The following SMU1 variants were observed in gnomAD, a reference collection of about 807,000 sequenced individuals.
SMU1 encodes the protein SMU1 DNA replication regulator and spliceosomal factor, also known as WD40 repeat-containing protein SMU1.
Under a neutral mutation model 62.0 loss-of-function variants are expected in SMU1, and 2 were observed. The ratio of observed to expected loss-of-function variants is 0.03; its 90% CI spans 0.01 to 0.10. The LOEUF is 0.10. Among genes scored for constraint, SMU1 ranks in the 10% least tolerant of loss-of-function variants. The pLI, the probability that SMU1 is intolerant of heterozygous loss-of-function variation, is 1.00. For missense variants in SMU1, 227 were observed against 622.1 expected (o/e 0.36, Z 6.76); for synonymous variants, 188 against 212.4 (o/e 0.89, Z 1.00).
At chr9:33,052,403 G>A (rs940987422) in intron 10 of SMU1, among the ~76,000 whole-genome samples, 1 of 152,174 alleles carries the variant, frequency 6.6e-6, no homozygotes, top group Non-Finnish European at 1.5e-5. Flanking sequence ...CTGGGCAGCT[G>A]TAGCTATTAT....
At position 33,060,483 on chromosome 9, in the gene SMU1, A is replaced by T. The variant is rs1194560944; in HGVS notation, c.732T>A (p.Thr244=). Residue 244 remains threonine, a synonymous_variant, in exon 6 of 12, where the codon ACT becomes ACA. Coordinates refer to ENST00000397149, the MANE Select transcript of SMU1 (RefSeq NM_018225.3). ...ACTTTACCTTTCTGATTTTTCCAGT[A>T]GTAAAGTTCCATACTTCAATGAATC... is the stretch of plus-strand genomic sequence containing the variant. ...VDGFIEVWNF[T]TGKIRKDLKY... The T allele has an allele frequency of 6.3e-7, 1 of 1,599,180 alleles. No homozygotes were observed. The highest frequency in any genetic ancestry group is 1.4e-5 in the African/African-American group (1 of 73,940).
intron 4 of SMU1, among the ~76,000 whole-genome samples, chr9:33,066,607 A>G (rs1007710658): frequency 5.3e-5 from 8 of 151,784 alleles, no homozygotes; most frequent in African/African-American, 1.9e-4. Context: ...AGAGATCGAG[A>G]CCATCCTGGC....
At chr9:33,063,648 C>A (rs1477413416) in intron 4 of SMU1, among the ~76,000 whole-genome samples, 5 of 151,914 alleles carry the variant, frequency 3.3e-5, no homozygotes, top group African/African-American at 1.2e-4. Context: ...CCTGTCAGAT[C>A]TGCGCAGCAT....
intron 5 of SMU1, among the ~76,000 whole-genome samples, 169 bp from the exon 6 acceptor site, chr9:33,060,753 G>A (rs529327800): frequency 2.4e-4 from 36 of 152,328 alleles, no homozygotes; most frequent in Non-Finnish European, 4.3e-4. Flanking sequence ...CTGGGTGGAT[G>A]TATTTTTCTC....
At position 33,043,145 on chromosome 9, in the gene SMU1, TAAAC is replaced by T. The variant is rs1025620713; in HGVS notation, c.*4144_*4147del. The T allele has an allele frequency of 5.2e-5, 8 of 152,392 alleles. No individual in the cohort carries two copies. Among genetic ancestry groups the T allele is most frequent in the African/African-American group, 1.7e-4 (7 of 41,582 alleles). 9.4% of individuals were successfully genotyped at this position (152,392 alleles called of 1,614,324 possible). A position where few individuals can be genotyped will look rare whatever the true frequency, so the allele number is the denominator to read the frequency against. On this transcript the variant is annotated 3_prime_UTR_variant, in exon 12 of 12. Transcript: ENST00000397149. ...ACCGTGCCCGGCCTATTGTAAGTTTTAAACAACCTCAGACCAGGGAACTTCCTCA... is the reference window on the plus strand; with the variant it reads ...ACCGTGCCCGGCCTATTGTAAGTTTTAACCTCAGACCAGGGAACTTCCTCA...
chr9:33,071,335 A>G (rs998215412), intron 3 of SMU1, among the ~76,000 whole-genome samples: 9 of 152,170 alleles, frequency 5.9e-5, no homozygotes, highest in African/African-American at 2.2e-4. Flanking sequence ...TAATCCGCGA[A>G]GAAACAAAAG....
chr9:33,047,986 A>T (rs1164845392), intron 11 of SMU1, 120 bp downstream of exon 11: 1 of 858,980 alleles, frequency 1.2e-6, no homozygotes, highest in Non-Finnish European at 1.7e-6. Context: ...AATGTTTTAA[A>T]ACAACATATT....
intron 10 of SMU1, among the ~76,000 whole-genome samples, chr9:33,052,157 G>A (rs537648818): frequency 6.6e-6 from 1 of 151,914 alleles, no homozygotes; most frequent in Non-Finnish European, 1.5e-5. Context: ...GTAAAAACTG[G>A]TTATATCTAA....
chr9:33,070,643 C>G (rs944030312), intron 3 of SMU1, among the ~76,000 whole-genome samples: 1 of 152,168 alleles, frequency 6.6e-6, no homozygotes, highest in Non-Finnish European at 1.5e-5. Context: ...TGACCATTAA[C>G]AGATAAATAA....
chr9:33,066,142 C>A (rs1183018528), intron 4 of SMU1, among the ~76,000 whole-genome samples: 3 of 152,094 alleles, frequency 2.0e-5, no homozygotes, highest in Non-Finnish European at 4.4e-5. Flanking sequence ...AACCACCCAA[C>A]CTGACATACC....
At chr9:33,068,315 A>G (rs16918982) in intron 4 of SMU1, among the ~76,000 whole-genome samples, 5,976 of 152,220 alleles carry the variant, frequency 0.039, 143 homozygotes, top group East Asian at 0.11. Flanking sequence ...CCCTAATTCT[A>G]ACTGACTCCA....
intron 4 of SMU1, among the ~76,000 whole-genome samples, chr9:33,067,751 G>A (rs1839439019): frequency 6.6e-6 from 1 of 151,804 alleles, no homozygotes; most frequent in Non-Finnish European, 1.5e-5. Flanking sequence ...CACCCACCTT[G>A]GCCTCCCAAA....
rs1011176999 is a variant in SMU1 at position 33,065,618 on chromosome 9, A to G, written c.501+3206T>C. Reference sequence around the variant, plus strand: ...AGGGGAAGCCACAAGAAGCAAGCCAAACTACCTTGCAAAACTCCAAAAAGG... The same window carrying G: ...AGGGGAAGCCACAAGAAGCAAGCCAGACTACCTTGCAAAACTCCAAAAAGG... On this transcript the variant is annotated intron_variant, in intron 4 of 11. Coordinates refer to ENST00000397149, the MANE Select transcript of SMU1 (RefSeq NM_018225.3). 2.6e-5 allele frequency among the ~76,000 whole-genome samples: 4 copies of G among 152,212 alleles called. No homozygotes were observed. The East Asian group carries it at 5.8e-4, about 22-fold the overall frequency.
At chr9:33,055,307 G>C (rs1047161001) in intron 9 of SMU1, among the ~76,000 whole-genome samples, 14 of 152,074 alleles carry the variant, frequency 9.2e-5, no homozygotes, top group Middle Eastern at 3.2e-3. Context: ...CTCCCAAGTA[G>C]CTAGGAATAC....
At chr9:33,050,514 T>C (rs1274189757) in intron 10 of SMU1, among the ~76,000 whole-genome samples, 2 of 149,658 alleles carry the variant, frequency 1.3e-5, no homozygotes, top group Non-Finnish European at 3.0e-5. Context: ...TAAATAAATG[T>C]TATTAAGCAC....
At chr9:33,066,789 A>G (rs913908442) in intron 4 of SMU1, among the ~76,000 whole-genome samples, 2 of 149,792 alleles carry the variant, frequency 1.3e-5, no homozygotes, top group Non-Finnish European at 3.0e-5. Flanking sequence ...CTGGCGACAG[A>G]GTGAGACTCT....
Position 33,047,027 on chromosome 9 carries a change from T to TA in SMU1, c.*265dup. 3.5e-6 allele frequency: 1 copy of TA among 286,820 alleles called. No individual in the cohort carries two copies. The highest frequency in any genetic ancestry group is 6.4e-6 in the Non-Finnish European group (1 of 155,772). The allele number at this position is 286,820 out of a possible 1,614,324, so 17.8% of individuals were successfully genotyped here. A position where few individuals can be genotyped will look rare whatever the true frequency, so the allele number is the denominator to read the frequency against. On this transcript the variant is annotated 3_prime_UTR_variant, in exon 12 of 12. Coordinates refer to ENST00000397149, the MANE Select transcript of SMU1 (RefSeq NM_018225.3). ...GAGGAGTAGAATTTTTTTCTAGAAA[T>TA]ATCAGTATTTCACTCTCCAGGTCGA...
chr9:33,047,133 G>A lies in SMU1; in HGVS notation c.*160C>T, dbSNP rs1363020675. On this transcript the variant is annotated 3_prime_UTR_variant, in exon 12 of 12. Transcript: ENST00000397149. ...TTAAAAATATATAAAAAAAGAAAGG[G>A]TAGTTGCTACTTAAACATGAATTTT... 1.6e-5 allele frequency: 9 copies of A among 549,598 alleles called. No individual in the cohort carries two copies. Among genetic ancestry groups the A allele is most frequent in the Non-Finnish European group, 2.9e-5 (9 of 307,916 alleles). 34.0% of individuals were successfully genotyped at this position (549,598 alleles called of 1,614,324 possible).
In SMU1 at chr9:33,043,292, G is replaced by T. The variant is rs974433804; in HGVS notation, c.*4001C>A. The T allele has an allele frequency of 6.6e-6, 1 of 152,216 alleles. No homozygotes were observed. The highest frequency in any genetic ancestry group is 1.9e-4 in the East Asian group (1 of 5,204). The allele number at this position is 152,216 out of a possible 1,614,324, so 9.4% of individuals were successfully genotyped here. On this transcript the variant is annotated 3_prime_UTR_variant, in exon 12 of 12. Transcript: ENST00000397149. Reference sequence around the variant, plus strand: ...GCAATTTGAAAAAATGTGATTTTAAGAGTCAGTCTTGCACCTTTATCATTT... The same window carrying T: ...GCAATTTGAAAAAATGTGATTTTAATAGTCAGTCTTGCACCTTTATCATTT...
Sources: gnomAD v4.1 joint callset for allele counts (sites outside exome capture counted in the v4.1 genomes callset) on GRCh38, gnomAD v4.1.1 for gene constraint, MANE v1.5 for transcripts, NCBI Gene and HGNC (gene_info 2026-07-23, HGNC 2026-07-21) for gene names.